Variants in NDUFA5 observed in about 807,000 individuals in gnomAD.
The protein encoded by NDUFA5 is NADH dehydrogenase [ubiquinone] 1 alpha subcomplex subunit 5.
In NDUFA5, 11 loss-of-function variants were observed where a neutral mutation model predicts 19.8. That is an observed-to-expected ratio of 0.56 (90% CI 0.35 to 0.92). NDUFA5 has a LOEUF of 0.92. Among genes scored for constraint, NDUFA5 ranks in the 40% least tolerant of loss-of-function variants. The probability of loss-of-function intolerance (pLI) is 0.01; values close to 1 mark genes in which losing one functional copy is unlikely to be tolerated. For missense variants in NDUFA5, 109 were observed against 134.2 expected (o/e 0.81, Z 0.93); for synonymous variants, 47 against 46.8 (o/e 1.00, Z -0.01).
At chr7:123,594,834 C>T in the NDUFA5 span, among the ~76,000 whole-genome samples, 3 of 152,152 alleles carry the variant, frequency 2.0e-5, no homozygotes, top group Non-Finnish European at 4.4e-5. Flanking sequence ...CAGGCAGGGA[C>T]GTTTAAGCCT....
chr7:123,600,221 G>A, the NDUFA5 span, among the ~76,000 whole-genome samples: 3 of 152,068 alleles, frequency 2.0e-5, no homozygotes, highest in Non-Finnish European at 2.9e-5. Context: ...AAAGCAAGAC[G>A]TGTTCACAGG....
the NDUFA5 span, among the ~76,000 whole-genome samples, chr7:123,588,868 T>C: frequency 7.2e-5 from 11 of 151,824 alleles, no homozygotes; most frequent in African/African-American, 2.4e-4. Context: ...CACATATTTT[T>C]TAATTTTCCC....
chr7:123,549,905 C>T (rs1231382071), intron 3 of NDUFA5, among the ~76,000 whole-genome samples: 3 of 152,176 alleles, frequency 2.0e-5, no homozygotes, highest in African/African-American at 7.2e-5. Context: ...TGACTAGGAT[C>T]ACTTATGCAT....
rs1797854303 is a variant in NDUFA5 at position 123,539,349 on chromosome 7, G to A, written c.*2770C>T. 1 of 152,114 alleles carries A rather than the reference G, an allele frequency of 6.6e-6. No individual in the cohort carries two copies. Among genetic ancestry groups the A allele is most frequent in the Non-Finnish European group, 1.5e-5 (1 of 68,020 alleles). The allele number at this position is 152,114 out of a possible 1,614,324, so 9.4% of individuals were successfully genotyped here. On this transcript the variant is annotated 3_prime_UTR_variant, in exon 5 of 5. Coordinates refer to ENST00000355749, the MANE Select transcript of NDUFA5 (RefSeq NM_005000.5). ...AATATAAGCCATTTTCATCCCAAAG[G>A]AAAGAATGCCAAGAAATTGGAATCG...
upstream of NDUFA5, among the ~76,000 whole-genome samples, chr7:123,562,494 T>C (rs1267450004): frequency 6.6e-6 from 1 of 152,242 alleles, no homozygotes; most frequent in African/African-American, 2.4e-5. Flanking sequence ...TGATCTTAGC[T>C]AGATCTTCTG....
At chr7:123,550,364 A>G (rs1279799815) in intron 3 of NDUFA5, 106 bp downstream of exon 3, 7 of 709,038 alleles carry the variant, frequency 9.9e-6, no homozygotes. Flanking sequence ...AAGAGCATTC[A>G]AGGAAGGAGA....
At chr7:123,590,891 GT>G in the NDUFA5 span, among the ~76,000 whole-genome samples, 1 of 152,116 alleles carries the variant, frequency 6.6e-6, no homozygotes. Flanking sequence ...ACCTTGGGCA[GT>G]ATGGCCATTT....
intron 1 of NDUFA5, 146 bp downstream of exon 1, chr7:123,557,629 C>G (rs772578124): frequency 6.8e-6 from 11 of 1,613,700 alleles, no homozygotes; most frequent in African/African-American, 1.3e-5. Context: ...ACTAACCTGC[C>G]CTACCCGGTA....
At chr7:123,598,612 A>T in the NDUFA5 span, among the ~76,000 whole-genome samples, 3 of 152,236 alleles carry the variant, frequency 2.0e-5, no homozygotes, top group Non-Finnish European at 4.4e-5. Flanking sequence ...CCATTTGAAC[A>T]AGTCATCAGT....
intron 3 of NDUFA5, among the ~76,000 whole-genome samples, chr7:123,548,214 G>A (rs1455793867): frequency 6.6e-6 from 1 of 152,132 alleles, no homozygotes; most frequent in Non-Finnish European, 1.5e-5. Context: ...AAAAATCTGT[G>A]ATAATTTTAC....
At chr7:123,564,462 G>A in the NDUFA5 span, among the ~76,000 whole-genome samples, 1 of 152,014 alleles carries the variant, frequency 6.6e-6, no homozygotes, top group East Asian at 1.9e-4. Flanking sequence ...TCCTGTATTA[G>A]TCAGGGTTCC....
chr7:123,571,818 G>A, the NDUFA5 span, among the ~76,000 whole-genome samples: 4 of 152,192 alleles, frequency 2.6e-5, no homozygotes, highest in African/African-American at 4.8e-5. Context: ...AAGCTGGAGT[G>A]CAGTGGCATG....
chr7:123,563,137 A>G, the NDUFA5 span, among the ~76,000 whole-genome samples: 2 of 152,098 alleles, frequency 1.3e-5, no homozygotes, highest in Non-Finnish European at 2.9e-5. Flanking sequence ...TTAACAGAGT[A>G]GCACTTTTAA....
chr7:123,567,077 A>G, the NDUFA5 span: 5 of 152,240 alleles, frequency 3.3e-5, no homozygotes, highest in Admixed American at 3.3e-4. Flanking sequence ...GAGCTATTTG[A>G]TCCTGACTAA....
At chr7:123,593,516 T>C in the NDUFA5 span, among the ~76,000 whole-genome samples, 1 of 152,204 alleles carries the variant, frequency 6.6e-6, no homozygotes, top group Admixed American at 6.5e-5. Context: ...ATTTTATTTC[T>C]CCTTCACTTA....
At chr7:123,583,327 A>G in the NDUFA5 span, among the ~76,000 whole-genome samples, 1 of 151,992 alleles carries the variant, frequency 6.6e-6, no homozygotes, top group Non-Finnish European at 1.5e-5. Flanking sequence ...AACATATATC[A>G]TATGAGGAGA....
rs766305834 is a variant in NDUFA5, at chr7:123,540,890, G to GCGCGCGCGCGCGCGCGCACA, written c.*1228_*1229insTGTGCGCGCGCGCGCGCGCG. The GCGCGCGCGCGCGCGCGCACA allele has an allele frequency of 1.8e-4, 24 of 133,904 alleles. No homozygotes were observed. Among genetic ancestry groups the GCGCGCGCGCGCGCGCGCACA allele is most frequent in the African/African-American group, 7.1e-4 (24 of 33,890 alleles). The allele number at this position is 133,904 out of a possible 1,614,324, so 8.3% of individuals were successfully genotyped here. On this transcript the variant is annotated 3_prime_UTR_variant, in exon 5 of 5. Transcript: ENST00000355749. ...TCTGAGCAAATGTGCGCATGCGCGT[G>GCGCGCGCGCGCGCGCGCACA]CACACACACACACACACACACACAC...
chr7:123,553,448 C>T (rs985871726), intron 2 of NDUFA5, among the ~76,000 whole-genome samples: 1 of 152,204 alleles, frequency 6.6e-6, no homozygotes, highest in Non-Finnish European at 1.5e-5. Flanking sequence ...AATTACCTCC[C>T]ACCAGGTTCC....
chr7:123,596,549 T>C, the NDUFA5 span: 1 of 151,976 alleles, frequency 6.6e-6, no homozygotes, highest in South Asian at 2.1e-4. Context: ...GAGGCGGAGG[T>C]TGCTGTGAAC....
Sources: allele counts gnomAD v4.1 joint callset (sites outside exome capture counted in the v4.1 genomes callset), GRCh38; gene constraint gnomAD v4.1.1; transcripts MANE v1.5; gene names NCBI Gene and HGNC (gene_info 2026-07-23, HGNC 2026-07-21).